RTEL1: variants seen among roughly 807,000 people sequenced by gnomAD.
RTEL1 encodes regulator of telomere elongation helicase 1.
In RTEL1, 86 loss-of-function variants were observed where a neutral mutation model predicts 162.2. The observed-to-expected ratio is 0.53, with a 90% CI of 0.45 to 0.63. RTEL1 has a LOEUF of 0.63. Ranked by LOEUF, RTEL1 falls within the 30% of genes least tolerant of loss-of-function variation. The probability of loss-of-function intolerance (pLI) is 0.00; values close to 1 mark genes in which losing one functional copy is unlikely to be tolerated. For synonymous variants in RTEL1, 958 were observed against 717.9 expected, an observed-to-expected ratio of 1.33 and a Z score of -5.35; for missense variants, 1,941 against 1,750.2, an observed-to-expected ratio of 1.11 and a Z score of -1.95.
chr20:63,681,935 G>A (rs2090485142), intron 14 of RTEL1: 2 of 985,418 alleles, frequency 2.0e-6, no homozygotes, highest in South Asian at 9.4e-5. Context: ...TGTCCCGCAT[G>A]GAGTGTGGTT....
At chr20:63,685,679 G>A (rs1260232530) in intron 15 of RTEL1, 82 bp downstream of exon 15, 1 of 1,586,322 alleles carries the variant, frequency 6.3e-7, no homozygotes, top group African/African-American at 1.3e-5. Flanking sequence ...CTATAAGGTG[G>A]GGGCCACCTC....
At position 63,690,938 on chromosome 20, in the gene RTEL1, C is replaced by A; in HGVS notation, c.2547C>A (p.Gly849=). ...EHSEQRAGSP[G]EEQAHSCSTL... is the part of the protein sequence containing the mutation. ...GCGAACAGCGGGCGGGGAGCCCTGG[C>A]GAGGAGCAGGTACAGTTCCAGGGCC... is the stretch of plus-strand genomic sequence containing the variant. Residue 849 remains glycine (G), a synonymous_variant, in exon 27 of 35, where the codon GGC becomes GGA. Coordinates refer to ENST00000360203, the MANE Select transcript of RTEL1 (RefSeq NM_001283009.2). 1 of 1,550,392 alleles carries A rather than the reference C, an allele frequency of 6.4e-7. No individual in the cohort carries two copies. Among genetic ancestry groups the A allele is most frequent in the Non-Finnish European group, 8.7e-7 (1 of 1,147,640 alleles).
intron 14 of RTEL1, among the ~76,000 whole-genome samples, chr20:63,683,310 G>GC (rs1200085084): frequency 6.6e-6 from 1 of 152,196 alleles, no homozygotes; most frequent in Non-Finnish European, 1.5e-5. Context: ...GGCAGACTCA[G>GC]CCCTGCTCAT....
Position 63,694,932 on chromosome 20 carries a change from G to C in RTEL1, c.3301G>C (p.Ala1101Pro). Residue 1101 changes from alanine to proline, a missense_variant, in exon 32 of 35, where the codon GCC becomes CCC. Coordinates refer to ENST00000360203, the MANE Select transcript of RTEL1 (RefSeq NM_001283009.2). ...DLDKVLAVLA[A>P]LTTAKPEDFP... ...CGACAAGGTGCTGGCTGTGTTGGCC[G>C]CCCTGACCACTGCAAAGCCAGAGGA... The C allele has an allele frequency of 1.9e-6, 3 of 1,612,572 alleles. No individual in the cohort carries two copies. Among genetic ancestry groups the C allele is most frequent in the Non-Finnish European group, 2.5e-6 (3 of 1,179,862 alleles).
At chr20:63,667,426 C>T (rs1319378484) in intron 7 of RTEL1, 43 bp from the exon 8 acceptor site, 3 of 1,518,564 alleles carry the variant, frequency 2.0e-6, no homozygotes, top group African/African-American at 1.4e-5. Flanking sequence ...GCACCGTCCC[C>T]TGCATGGGGT....
At chr20:63,687,125 C>T (rs1054576853) in intron 16 of RTEL1, 2 of 154,106 alleles carry the variant, frequency 1.3e-5, no homozygotes, top group African/African-American at 2.4e-5. Flanking sequence ...CCGCCGTGGC[C>T]AGTCGGTCAA....
intron 1 of RTEL1, chr20:63,658,867 G>C (rs1432583584): frequency 6.4e-6 from 1 of 156,790 alleles, no homozygotes; most frequent in African/African-American, 2.4e-5. Flanking sequence ...AGCCAGCCAG[G>C]AGGGCAGAGG....
chr20:63,667,792 G>C (rs2090165505), intron 8 of RTEL1, among the ~76,000 whole-genome samples: 2 of 152,058 alleles, frequency 1.3e-5, no homozygotes, highest in African/African-American at 4.8e-5. Flanking sequence ...AGTGAGGAGA[G>C]ACCTCCAGGC....
At chr20:63,674,136 C>T (rs2090301497) in intron 10 of RTEL1, 43 bp downstream of exon 10, 1 of 1,559,928 alleles carries the variant, frequency 6.4e-7, no homozygotes, top group Non-Finnish European at 8.7e-7. Flanking sequence ...GCCTGCGCTG[C>T]TGCAGGGTGA....
chr20:63,695,930 AC>A lies in RTEL1; in HGVS notation c.*75del. On this transcript the variant is annotated 3_prime_UTR_variant, in exon 35 of 35. Transcript: ENST00000360203. ...CCTGTCCAGCTCTGGTGGGCCAAGA[AC>A]CCACCCAACAGAATAGGCCAGCCCA... The A allele has an allele frequency of 6.9e-7, 1 of 1,444,282 alleles. No homozygotes were observed. Among genetic ancestry groups the A allele is most frequent in the South Asian group, 1.3e-5 (1 of 79,904 alleles). 89.5% of individuals were successfully genotyped at this position (1,444,282 alleles called of 1,614,324 possible).
intron 6 of RTEL1, among the ~76,000 whole-genome samples, chr20:63,663,868 C>T (rs1028166644): frequency 1.3e-5 from 2 of 152,302 alleles, no homozygotes; most frequent in South Asian, 2.1e-4. Flanking sequence ...GGGCGGCGCT[C>T]CCCTGGCAGA....
At chr20:63,688,794 T>G (rs2145424350) in intron 21 of RTEL1, 189 bp downstream of exon 21, 1 of 642,882 alleles carries the variant, frequency 1.6e-6, no homozygotes, top group Middle Eastern at 4.3e-4. Flanking sequence ...CAGCACCGGG[T>G]GGGTGTGGTA....
chr20:63,675,524 A>G (rs1313604728), intron 10 of RTEL1, among the ~76,000 whole-genome samples: 1 of 151,338 alleles, frequency 6.6e-6, no homozygotes. Context: ...ATATATACAT[A>G]TATTTAAGTG....
chr20:63,663,541 G>A (rs1207040120), intron 6 of RTEL1, among the ~76,000 whole-genome samples: 10 of 152,258 alleles, frequency 6.6e-5, no homozygotes, highest in Non-Finnish European at 1.3e-4. Flanking sequence ...CTCCACCCAC[G>A]TGGCTGCCCC....
intron 6 of RTEL1, among the ~76,000 whole-genome samples, chr20:63,663,750 C>G (rs933563116): frequency 1.3e-5 from 2 of 152,148 alleles, no homozygotes; most frequent in Admixed American, 6.5e-5. Flanking sequence ...GAGGTGGCCC[C>G]GGAGCACTCA....
chr20:63,695,113 A>T lies in RTEL1; in HGVS notation c.3391A>T (p.Thr1131Ser), dbSNP rs1471853155. ...ACACCACAAGCAGCGCTTCTCACAG[A>T]CGTGCACAGACCTGACCGGCCGGCC... ...RPHHKQRFSQ[T>S]CTDLTGRPYP... The change falls in exon 33 of 35, where the codon ACG (threonine) becomes TCG (serine). Residue 1131 changes from threonine to serine, a missense_variant. Transcript: ENST00000360203. The T allele has an allele frequency of 2.5e-6, 4 of 1,612,198 alleles. No individual in the cohort carries two copies. Among genetic ancestry groups the T allele is most frequent in the Non-Finnish European group, 2.5e-6 (3 of 1,179,838 alleles).
At position 63,661,356 on chromosome 20, in the gene RTEL1, G is replaced by T. The variant is rs778739638; in HGVS notation, c.161G>T (p.Cys54Phe). 1 of 1,613,462 alleles carries T rather than the reference G, an allele frequency of 6.2e-7. No individual in the cohort carries two copies. Among genetic ancestry groups the T allele is most frequent in the South Asian group, 1.1e-5 (1 of 91,058 alleles). ...ACAGGGAAGACGCTGTGCCTGCTGT[G>T]CACCACGCTGGCCTGGCGAGAACAC... ...TGTGKTLCLL[C>F]TTLAWREHLR... Residue 54 changes from cysteine (C) to phenylalanine (F), a missense_variant, in exon 3 of 35, where the codon TGC (cysteine) becomes TTC (phenylalanine). By Grantham distance (205) the Cys-to-Phe change is radical. Transcript: ENST00000360203. This position sits in a 1 kb window ranked among gnomAD's most constrained non-coding sequence, Gnocchi z 5.1.
chr20:63,690,958 A>G lies in RTEL1; in HGVS notation c.2556+11A>G. The G allele has an allele frequency of 6.5e-7, 1 of 1,546,188 alleles. No homozygotes were observed. The highest frequency in any genetic ancestry group is 2.4e-5 in the East Asian group (1 of 41,062). ...CCTGGCGAGGAGCAGGTACAGTTCC[A>G]GGGCCTTGGGATGGACACAGACCCT... On this transcript the variant is annotated intron_variant, in intron 27 of 34. Transcript: ENST00000360203.
At chr20:63,660,738 C>T (rs529995251) in intron 2 of RTEL1, 11 of 157,094 alleles carry the variant, frequency 7.0e-5, no homozygotes, top group South Asian at 1.9e-4. Flanking sequence ...CTGATATTCA[C>T]GGGTCAGGAG....
Sources: allele counts gnomAD v4.1 joint callset (sites outside exome capture counted in the v4.1 genomes callset), GRCh38; gene constraint gnomAD v4.1.1; non-coding constraint Gnocchi (gnomAD v3.1); transcripts MANE v1.5; gene names NCBI Gene and HGNC (gene_info 2026-07-23, HGNC 2026-07-21).